ADGRG1: variants seen among roughly 807,000 people sequenced by gnomAD.
ADGRG1 encodes the protein adhesion G protein-coupled receptor G1.
A neutral mutation model predicts 73.5 loss-of-function variants in ADGRG1; 53 were observed. The observed-to-expected ratio is 0.72, with a 90% CI of 0.58 to 0.91. The LOEUF (loss-of-function observed/expected upper bound fraction) is 0.91, where lower values mean the gene tolerates loss of function less well. Ranked by LOEUF, ADGRG1 falls within the 40% of genes least tolerant of loss-of-function variation. The pLI, the probability that ADGRG1 is intolerant of heterozygous loss-of-function variation, is 0.00. For missense variants in ADGRG1, 795 were observed against 871.8 expected, an observed-to-expected ratio of 0.91 and a Z score of 1.11; for synonymous variants, 394 against 374.4, an observed-to-expected ratio of 1.05 and a Z score of -0.60.
At chr16:57,622,544 G>T (rs1285998311) in intron 2 of ADGRG1, among the ~76,000 whole-genome samples, 1 of 152,182 alleles carries the variant, frequency 6.6e-6, no homozygotes, top group Non-Finnish European at 1.5e-5. Context: ...ACTTCTGGAC[G>T]CCCAGCCGTG....
In ADGRG1 at chr16:57,643,873, A is replaced by C. The variant is rs1373101245; in HGVS notation, c.-35-6380A>C. On this transcript the variant is annotated intron_variant, in intron 1 of 13. Transcript: ENST00000562631. ...TGCCTTTGCAAGCTGTTATCCCAGG[A>C]CCCATGGGTGCGGCTGAGGGGTGGG... is the stretch of plus-strand genomic sequence containing the variant. The C allele has an allele frequency of 1.5e-5, 9 of 612,040 alleles. No homozygotes were observed. The African/African-American group carries it at 2.2e-4, about 15-fold the overall frequency. 37.9% of individuals were successfully genotyped at this position (612,040 alleles called of 1,614,324 possible).
intron 1 of ADGRG1, chr16:57,647,572 C>T (rs895415137): frequency 1.5e-5 from 7 of 474,536 alleles, no homozygotes; most frequent in South Asian, 1.8e-4. Flanking sequence ...GTGAGGAAAG[C>T]GAGGCCCAGA....
At chr16:57,641,138 GT>G (rs1229029104) in intron 1 of ADGRG1, 1 of 846,948 alleles carries the variant, frequency 1.2e-6, no homozygotes, top group Non-Finnish European at 1.4e-6. Context: ...AGAGAAGGCA[GT>G]CAGGGGACAA....
chr16:57,661,645 GAAA>G, intron 12 of ADGRG1, 49 bp from the exon 13 acceptor site: 1 of 1,579,814 alleles, frequency 6.3e-7, no homozygotes, highest in Non-Finnish European at 8.6e-7. Context: ...CACAGCCCAG[GAAA>G]TGCTGCCCGT....
At chr16:57,647,833 G>A (rs139349118) in intron 1 of ADGRG1, 35 of 939,450 alleles carry the variant, frequency 3.7e-5, no homozygotes, top group Non-Finnish European at 4.2e-5. Context: ...GATTTCTTCC[G>A]TGGAACCCCA....
At chr16:57,659,315 G>A (rs1363499808) in intron 10 of ADGRG1, 98 bp from the exon 11 acceptor site, 1 of 1,599,790 alleles carries the variant, frequency 6.3e-7, no homozygotes, top group Non-Finnish European at 8.5e-7. Flanking sequence ...TGTGTGTCGG[G>A]GTGGGGGGCA....
Position 57,641,690 on chromosome 16 carries a change from C to T in ADGRG1, c.-35-8563C>T, listed in dbSNP as rs545017173. On this transcript the variant is annotated intron_variant, in intron 1 of 13. Coordinates refer to ENST00000562631, the MANE Select transcript of ADGRG1 (RefSeq NM_201525.4). Reference sequence around the variant, plus strand: ...AAGTGATTCTCATGCCTCAGCCTCCCGAGTAGCTGGGATTACAGGTGTGTG... The same window carrying T: ...AAGTGATTCTCATGCCTCAGCCTCCTGAGTAGCTGGGATTACAGGTGTGTG... 7 of 312,914 alleles carry T rather than the reference C, an allele frequency of 2.2e-5. No homozygotes were observed. The East Asian group carries it at 8.6e-4, about 38-fold the overall frequency. The allele number at this position is 312,914 out of a possible 1,614,324, so 19.4% of individuals were successfully genotyped here. A position where few individuals can be genotyped will look rare whatever the true frequency, so the allele number is the denominator to read the frequency against.
At chr16:57,638,514 G>A (rs2039926234) in intron 1 of ADGRG1, among the ~76,000 whole-genome samples, 1 of 152,222 alleles carries the variant, frequency 6.6e-6, no homozygotes, top group Non-Finnish European at 1.5e-5. Context: ...GAAGCCAGGA[G>A]GAACCTCCAG....
In ADGRG1 at chr16:57,655,318, G is replaced by GT. The variant is rs2045412953; in HGVS notation, c.769-81_769-80insT. On this transcript the variant is annotated intron_variant, in intron 5 of 13. Coordinates refer to ENST00000562631, the MANE Select transcript of ADGRG1 (RefSeq NM_201525.4). ...AAGTGGCAGCGTCCAGGAACGGATG[G>GT]GTGTGTGTGTGTGTGTGCTAGGGTG... 112 of 1,535,104 alleles carry GT rather than the reference G, an allele frequency of 7.3e-5. No individual in the cohort carries two copies. The Middle Eastern group carries it at 1.7e-3, about 23-fold the overall frequency.
At chr16:57,627,689 C>T (rs577861631), upstream of ADGRG1, 889 of 617,730 alleles carry the variant, frequency 1.4e-3, 1 homozygote, top group Middle Eastern at 4.0e-3. Flanking sequence ...TTGTAAAAGC[C>T]TCCCAGCACA....
rs1305914929 is a variant in ADGRG1 at position 57,656,598 on chromosome 16, C to T, written c.1148C>T (p.Thr383Ile). 6.2e-7 allele frequency: 1 copy of T among 1,611,152 alleles called. No individual in the cohort carries two copies. Among genetic ancestry groups the T allele is most frequent in the South Asian group, 1.1e-5 (1 of 91,024 alleles). Reference protein sequence around the residue: ...TQTSCFCNHLTYFAVLMVSSV... With the variant: ...TQTSCFCNHLIYFAVLMVSSV... ...ACATCCTGCTTCTGCAACCACTTGA[C>T]CTACTTTGCAGTGCTGATGGTGAGG... is the stretch of plus-strand genomic sequence containing the variant. The change falls in exon 9 of 14, where the codon ACC (threonine) becomes ATC (isoleucine). Residue 383 changes from threonine (T) to isoleucine (I), a missense_variant. Coordinates refer to ENST00000562631, the MANE Select transcript of ADGRG1 (RefSeq NM_201525.4).
intron 1 of ADGRG1, chr16:57,635,032 G>C (rs1284309486): frequency 2.0e-6 from 2 of 985,344 alleles, no homozygotes; most frequent in Non-Finnish European, 2.4e-6. Flanking sequence ...GGGAGCAGAG[G>C]GGGAGAGGGA....
At chr16:57,623,836 G>A, upstream of ADGRG1, 2 of 985,176 alleles carry the variant, frequency 2.0e-6, no homozygotes, top group Non-Finnish European at 2.4e-6. Context: ...TCCCACAGGA[G>A]ATAGCAGGGA....
chr16:57,627,985 C>G (rs1452603802), upstream of ADGRG1: 2 of 985,178 alleles, frequency 2.0e-6, no homozygotes, highest in African/African-American at 3.5e-5. Flanking sequence ...CCAGAAGCCC[C>G]TGGGGTCTCA....
chr16:57,623,621 G>A (rs1387615909), upstream of ADGRG1, among the ~76,000 whole-genome samples: 1 of 152,256 alleles, frequency 6.6e-6, no homozygotes, highest in African/African-American at 2.4e-5. Context: ...GCTAGGCCAG[G>A]CTCCCTGCTC....
chr16:57,653,789 C>G, intron 4 of ADGRG1, 197 bp from the exon 5 acceptor site: 1 of 984,298 alleles, frequency 1.0e-6, no homozygotes, highest in Non-Finnish European at 1.2e-6. Context: ...CATTCTTTCT[C>G]TCCCACACGC....
rs761788489 is a variant in ADGRG1, at chr16:57,653,247, G to A, written c.532G>A (p.Glu178Lys). 6.2e-6 allele frequency: 10 copies of A among 1,612,368 alleles called. No individual in the cohort carries two copies. Among genetic ancestry groups the A allele is most frequent in the African/African-American group, 5.3e-5 (4 of 74,892 alleles). The change falls in exon 4 of 14, where the codon GAG becomes AAG. Residue 178 changes from glutamate to lysine, a missense_variant. Glu to Lys is a moderately conservative substitution (Grantham distance 56). Coordinates refer to ENST00000562631, the MANE Select transcript of ADGRG1 (RefSeq NM_201525.4). The stretch of plus-strand genomic sequence containing the variant: ...TCACAATGCCTCGGTGGACATGTGC[G>A]AGCTCAAAAGGGACCTCCAGCTGCT... ...AAHNASVDMC[E>K]LKRDLQLLSQ...
At position 57,655,352 on chromosome 16, in the gene ADGRG1, G is replaced by A. The variant is rs777063657; in HGVS notation, c.769-47G>A. ...GTGTGTGTGCTAGGGTGGGGGGCACGGATCTAGGGGTCCGCATTTGGCTGA... is the reference window on the plus strand; with the variant it reads ...GTGTGTGTGCTAGGGTGGGGGGCACAGATCTAGGGGTCCGCATTTGGCTGA... On this transcript the variant is annotated intron_variant, in intron 5 of 13. Coordinates refer to ENST00000562631, the MANE Select transcript of ADGRG1 (RefSeq NM_201525.4). 6.9e-6 allele frequency: 11 copies of A among 1,604,906 alleles called. No homozygotes were observed. The East Asian group carries it at 1.1e-4, about 16-fold the overall frequency.
At position 57,656,148 on chromosome 16, in the gene ADGRG1, G is replaced by A. The variant is rs2045671041; in HGVS notation, c.1018-78G>A. ...CGGGTGGTGGCTTGACTGTGTTCTAGACTTCCTCTGCCTGGCCTGTAAAGT... is the reference window on the plus strand; with the variant it reads ...CGGGTGGTGGCTTGACTGTGTTCTAAACTTCCTCTGCCTGGCCTGTAAAGT... On this transcript the variant is annotated intron_variant, in intron 7 of 13. Coordinates refer to ENST00000562631, the MANE Select transcript of ADGRG1 (RefSeq NM_201525.4). 17 of 1,613,574 alleles carry A rather than the reference G, an allele frequency of 1.1e-5. No homozygotes were observed. The South Asian group carries it at 1.8e-4, about 17-fold the overall frequency.
Sources: gnomAD v4.1 joint callset for allele counts (sites outside exome capture counted in the v4.1 genomes callset) on GRCh38, gnomAD v4.1.1 for gene constraint, MANE v1.5 for transcripts, NCBI Gene and HGNC (gene_info 2026-07-23, HGNC 2026-07-21) for gene names.